PSTPIP2: variants seen among roughly 807,000 people sequenced by gnomAD.
PSTPIP2 encodes the protein proline-serine-threonine phosphatase interacting protein 2.
PSTPIP2 carries 33 observed loss-of-function variants against 63.3 expected under a neutral mutation model. The observed-to-expected ratio is 0.52, with a 90% CI of 0.40 to 0.70. The LOEUF is 0.70. PSTPIP2 is among the 30% of genes least tolerant of loss of function. The pLI is 0.00. For synonymous variants in PSTPIP2, 125 were observed against 132.7 expected (o/e 0.94, Z 0.40); for missense variants, 312 against 400.7 (o/e 0.78, Z 1.89).
At chr18:46,050,817 A>G (rs1908557546) in intron 1 of PSTPIP2, among the ~76,000 whole-genome samples, 1 of 152,018 alleles carries the variant, frequency 6.6e-6, no homozygotes, top group Non-Finnish European at 1.5e-5. Flanking sequence ...AGAAAGGGAC[A>G]CACCATACAT....
chr18:46,029,082 T>C (rs1907696704), intron 2 of PSTPIP2: 2 of 803,652 alleles, frequency 2.5e-6, no homozygotes, highest in Admixed American at 1.8e-5. Context: ...GAGCACCTGT[T>C]TGGAAAGGTT....
intron 4 of PSTPIP2, among the ~76,000 whole-genome samples, chr18:46,012,759 G>A (rs1422591415): frequency 6.6e-6 from 1 of 152,118 alleles, no homozygotes. Context: ...GCAACAGAGC[G>A]AGACTCCATC....
intron 2 of PSTPIP2, among the ~76,000 whole-genome samples, chr18:46,036,431 G>T (rs1174571213): frequency 6.6e-6 from 1 of 152,100 alleles, no homozygotes; most frequent in East Asian, 1.9e-4. Context: ...CTGGGCCTTG[G>T]AATCTGCCCT....
intron 1 of PSTPIP2, among the ~76,000 whole-genome samples, chr18:46,056,066 C>G (rs1908744986): frequency 6.6e-6 from 1 of 152,206 alleles, no homozygotes; most frequent in African/African-American, 2.4e-5. Flanking sequence ...TTGCCCTCTC[C>G]CTTCTCTCTC....
At chr18:45,999,632 G>C in intron 6 of PSTPIP2, 98 bp from the exon 7 acceptor site, 1 of 1,160,548 alleles carries the variant, frequency 8.6e-7, no homozygotes, top group East Asian at 2.4e-5. Flanking sequence ...GGACAGGGCC[G>C]TCTGATTAGT....
intron 8 of PSTPIP2, among the ~76,000 whole-genome samples, chr18:45,998,437 T>C (rs201155092): frequency 0.028 from 4,261 of 152,224 alleles, 80 homozygotes; most frequent in Non-Finnish European, 0.034. Context: ...CCCCAATACA[T>C]CAGAGGAAGC....
chr18:46,056,386 C>T (rs1220256019), intron 1 of PSTPIP2, among the ~76,000 whole-genome samples: 3 of 152,186 alleles, frequency 2.0e-5, no homozygotes, highest in African/African-American at 4.8e-5. Context: ...GAGGCATGGT[C>T]GTGCATGTGC....
intron 2 of PSTPIP2, among the ~76,000 whole-genome samples, chr18:46,027,929 G>A: frequency 6.6e-6 from 1 of 152,238 alleles, no homozygotes; most frequent in African/African-American, 2.4e-5. Context: ...GGGAGGCCAA[G>A]GCAGGCGGAT....
rs1296120085 is a variant in PSTPIP2 at position 46,040,027 on chromosome 18, G to A, written c.54C>T (p.Thr18=). 6.2e-7 allele frequency: 1 copy of A among 1,610,762 alleles called. No individual in the cohort carries two copies. Residue 18 remains threonine, a synonymous_variant, in exon 2 of 15, where the codon ACC becomes ACT. Transcript: ENST00000409746. ...GTTGGATAATGTTGTCATAGCCGAT[G>A]GTGCTGAGGATGTCTGCACTCTGGG... The part of the protein sequence containing the change: ...GNFWSADILS[T]IGYDNIIQHL...
chr18:46,071,043 T>C (rs773153048), intron 1 of PSTPIP2, among the ~76,000 whole-genome samples: 1 of 152,060 alleles, frequency 6.6e-6, no homozygotes, highest in Non-Finnish European at 1.5e-5. Context: ...GGTTCCTCTG[T>C]GAGGCTGCCA....
chr18:46,014,605 C>T (rs570431555), intron 4 of PSTPIP2, among the ~76,000 whole-genome samples: 16 of 152,160 alleles, frequency 1.1e-4, no homozygotes, highest in African/African-American at 3.4e-4. Context: ...CCCAGCTACT[C>T]AGAAGGCTGA....
chr18:45,997,757 C>A lies in PSTPIP2; in HGVS notation c.634G>T (p.Ala212Ser). The A allele has an allele frequency of 6.4e-7, 1 of 1,573,268 alleles. No homozygotes were observed. The highest frequency in any genetic ancestry group is 8.6e-7 in the Non-Finnish European group (1 of 1,163,376). The change falls in exon 9 of 15, where the codon GCC becomes TCC. Residue 212 changes from alanine to serine, a missense_variant. Coordinates refer to ENST00000409746, the MANE Select transcript of PSTPIP2 (RefSeq NM_024430.4). Reference protein sequence around the residue: ...REEWQSEHIKACEAFEAQECE... With the variant: ...REEWQSEHIKSCEAFEAQECE... ...CTTCCGGTTACGGGTACCTCGCAGG[C>A]CTTGATGTGCTCACTCTGCCACTCT...
At chr18:46,058,652 C>A (rs1473654025) in intron 1 of PSTPIP2, among the ~76,000 whole-genome samples, 1 of 152,208 alleles carries the variant, frequency 6.6e-6, no homozygotes, top group Non-Finnish European at 1.5e-5. Context: ...AGCCACTGCA[C>A]CTGGCCCTAC....
chr18:45,991,949 C>A lies in PSTPIP2; in HGVS notation c.873G>T (p.Gln291His), dbSNP rs2051538921. The stretch of plus-strand genomic sequence containing the variant: ...CCTTTCCTGCTGGGACTGCATTCTT[C>A]TGGGAGGAGTAGAAATTCTCATACA... Reference protein sequence around the residue: ...PIMYENFYSSQKNAVPAGKAT... With the variant: ...PIMYENFYSSHKNAVPAGKAT... Residue 291 changes from glutamine (Q) to histidine (H), a missense_variant, in exon 12 of 15, where the codon CAG becomes CAT. Gln to His is a conservative substitution (Grantham distance 24). Transcript: ENST00000409746. The A allele has an allele frequency of 1.2e-6, 2 of 1,613,818 alleles. No individual in the cohort carries two copies. The highest frequency in any genetic ancestry group is 1.7e-6 in the Non-Finnish European group (2 of 1,179,722).
chr18:46,025,618 C>T (rs1276652867), intron 2 of PSTPIP2, among the ~76,000 whole-genome samples: 2 of 150,932 alleles, frequency 1.3e-5, no homozygotes, highest in Non-Finnish European at 2.9e-5. Flanking sequence ...GGATCCACCA[C>T]ATTCACAATA....
chr18:46,045,082 C>A (rs371167051), intron 1 of PSTPIP2, among the ~76,000 whole-genome samples: 11 of 152,282 alleles, frequency 7.2e-5, no homozygotes, highest in East Asian at 1.9e-4. Flanking sequence ...TAGTTCAACC[C>A]TTGTGGAAGT....
At chr18:46,070,700 GAGAC>G (rs1435248548) in intron 1 of PSTPIP2, among the ~76,000 whole-genome samples, 3 of 152,144 alleles carry the variant, frequency 2.0e-5, no homozygotes, top group South Asian at 2.1e-4. Flanking sequence ...TTTTTTTGTA[GAGAC>G]AGACAGAGTC....
intron 1 of PSTPIP2, among the ~76,000 whole-genome samples, chr18:46,050,128 T>C (rs956863269): frequency 2.6e-5 from 4 of 152,224 alleles, no homozygotes; most frequent in Admixed American, 2.0e-4. Context: ...GAAATGCACA[T>C]TGGCATAATC....
intron 3 of PSTPIP2, among the ~76,000 whole-genome samples, chr18:46,024,108 C>T (rs1907487626): frequency 6.6e-6 from 1 of 151,838 alleles, no homozygotes; most frequent in Admixed American, 6.6e-5. Flanking sequence ...CCTGTATTCC[C>T]AGTGACTTGG....
Sources: allele counts gnomAD v4.1 joint callset (sites outside exome capture counted in the v4.1 genomes callset), GRCh38; gene constraint gnomAD v4.1.1; transcripts MANE v1.5; gene names NCBI Gene and HGNC (gene_info 2026-07-23, HGNC 2026-07-21).